ZNF595: variants seen among roughly 807,000 people sequenced by gnomAD.
ZNF595 encodes zinc finger protein 595.
A neutral mutation model predicts 19.4 loss-of-function variants in ZNF595; 9 were observed. That is an observed-to-expected ratio of 0.46 (90% CI 0.28 to 0.81). ZNF595 has a LOEUF of 0.81. ZNF595 is among the 30% of genes least tolerant of loss of function. The pLI is 0.11. For synonymous variants in ZNF595, 255 were observed against 255.9 expected (o/e 1.00, Z 0.03); for missense variants, 729 against 736.0 (o/e 0.99, Z 0.11).
chr4:72,063 G>A (rs782691981), intron 3 of ZNF595, among the ~76,000 whole-genome samples: 2 of 152,036 alleles, frequency 1.3e-5, no homozygotes, highest in African/African-American at 4.8e-5. Flanking sequence ...ATACCATTCC[G>A]GCCAGTACTG....
In ZNF595 at chr4:54,850, C is replaced by A. The variant is rs1325577939; in HGVS notation, c.3+1359C>A. On this transcript the variant is annotated intron_variant, in intron 1 of 3. Transcript: ENST00000610261. ...CTCGGCCTGTACCTGTGGCACAAAC[C>A]AGTGCTTTAGTCAGTCCTGCCCTGC... Among the ~76,000 whole-genome samples the A allele has an allele frequency of 2.0e-5, 3 of 152,404 alleles. No individual in the cohort carries two copies. The East Asian group carries it at 5.8e-4, about 29-fold the overall frequency.
chr4:68,617 T>G (rs1174120931), intron 3 of ZNF595: 2 of 152,332 alleles, frequency 1.3e-5, no homozygotes, highest in Non-Finnish European at 2.9e-5. Flanking sequence ...TTTTATTTAT[T>G]ATTTTAATTT....
chr4:87,230 T>G lies in ZNF595; in HGVS notation c.1726T>G (p.Ser576Ala). Reference sequence around the variant, plus strand: ...AGAATGTGGCAAAGCCTATAACTTATCCTCAACCCTTACTAAACATAAGAG... The same window carrying G: ...AGAATGTGGCAAAGCCTATAACTTAGCCTCAACCCTTACTAAACATAAGAG... The part of the protein sequence containing the change: ...CKECGKAYNL[S>A]STLTKHKRIH... Residue 576 changes from serine (S) to alanine (A), a missense_variant, in exon 4 of 4, where the codon TCC becomes GCC. Transcript: ENST00000610261. 1 of 1,595,032 alleles carries G rather than the reference T, an allele frequency of 6.3e-7. No individual in the cohort carries two copies. The highest frequency in any genetic ancestry group is 8.6e-7 in the Non-Finnish European group (1 of 1,167,700).
At position 80,896 on chromosome 4, in the gene ZNF595, G is replaced by A. The variant is rs190881355; in HGVS notation, c.227-4835G>A. 3.4e-3 allele frequency among the ~76,000 whole-genome samples: 510 copies of A among 151,942 alleles called. 4 individuals carry two copies. Among genetic ancestry groups the A allele is most frequent in the African/African-American group, 0.012 (498 of 41,390 alleles). On this transcript the variant is annotated intron_variant, in intron 3 of 3. Transcript: ENST00000610261. ...TGTTACATAAGTATACATGCGCCATGGTGGTTTGCTGCACCTATCAACCCA... is the reference window on the plus strand; with the variant it reads ...TGTTACATAAGTATACATGCGCCATAGTGGTTTGCTGCACCTATCAACCCA...
intron 3 of ZNF595, among the ~76,000 whole-genome samples, chr4:82,875 A>G (rs953246863): frequency 1.4e-4 from 22 of 152,284 alleles, no homozygotes; most frequent in Admixed American, 3.9e-4. Context: ...CTACAATTCT[A>G]TTAGACATAA....
At position 86,124 on chromosome 4, in the gene ZNF595, A is replaced by C. The variant is rs781812852; in HGVS notation, c.620A>C (p.Lys207Thr). ...EKPYKCEKCG[K>T]AFNRSTSLSK... is the part of the protein sequence containing the mutation. The stretch of plus-strand genomic sequence containing the variant: ...CCCTACAAATGTGAAAAATGTGGCA[A>C]AGCCTTTAATAGGTCCACATCACTT... The change falls in exon 4 of 4, where the codon AAA becomes ACA. Residue 207 changes from lysine (K) to threonine (T), a missense_variant. Physicochemically the swap from Lys to Thr is moderately conservative, Grantham distance 78. This residue lies in a region of ZNF595 where 729 missense variants were observed against 675.3 expected (regional missense o/e 1.08). Coordinates refer to ENST00000610261, the MANE Select transcript of ZNF595 (RefSeq NM_182524.4). The C allele has an allele frequency of 1.9e-6, 3 of 1,613,630 alleles. No individual in the cohort carries two copies. Among genetic ancestry groups the C allele is most frequent in the Admixed American group, 1.7e-5 (1 of 59,974 alleles).
chr4:85,773 G>A lies in ZNF595; in HGVS notation c.269G>A (p.Gly90Glu). 1 of 1,611,334 alleles carries A rather than the reference G, an allele frequency of 6.2e-7. No homozygotes were observed. Among genetic ancestry groups the A allele is most frequent in the Non-Finnish European group, 8.5e-7 (1 of 1,178,192 alleles). ...AGCCAAGACCTTTCACCAGTGCAGGGGATAGAAGATTCATTCCACAAACTT... is the reference window on the plus strand; with the variant it reads ...AGCCAAGACCTTTCACCAGTGCAGGAGATAGAAGATTCATTCCACAAACTT... Reference protein sequence around the residue: ...PFSQDLSPVQGIEDSFHKLIL... With the variant: ...PFSQDLSPVQEIEDSFHKLIL... The change falls in exon 4 of 4, where the codon GGG (glycine) becomes GAG (glutamate). Residue 90 changes from glycine (G) to glutamate (E), a missense_variant. This residue lies in a region of ZNF595 where 729 missense variants were observed against 675.3 expected (regional missense o/e 1.08). Transcript: ENST00000610261.
chr4:70,671 A>G (rs1045906698), intron 3 of ZNF595, among the ~76,000 whole-genome samples: 2 of 152,170 alleles, frequency 1.3e-5, no homozygotes, highest in Admixed American at 1.3e-4. Context: ...GTCAAAAATA[A>G]GTTTGCTGTA....
intron 3 of ZNF595, among the ~76,000 whole-genome samples, chr4:67,008 G>C (rs1191805175): frequency 4.2e-4 from 59 of 140,078 alleles, no homozygotes; most frequent in Non-Finnish European, 7.1e-4. Flanking sequence ...CGTTGAATTT[G>C]AATATCACTG....
intron 3 of ZNF595, among the ~76,000 whole-genome samples, chr4:73,804 A>T (rs1553798228): frequency 6.6e-6 from 1 of 152,142 alleles, no homozygotes; most frequent in Non-Finnish European, 1.5e-5. Context: ...GAGTTCTGGA[A>T]GCCCATGATT....
intron 1 of ZNF595, among the ~76,000 whole-genome samples, chr4:55,164 G>A (rs1581310045): frequency 0.13 from 13,792 of 103,284 alleles, no homozygotes; most frequent in Non-Finnish European, 0.18. Flanking sequence ...TGGGATTACA[G>A]GCGTGAGCCA....
At chr4:80,998 G>C (rs1277794573) in intron 3 of ZNF595, among the ~76,000 whole-genome samples, 12 of 151,754 alleles carry the variant, frequency 7.9e-5, no homozygotes, top group Non-Finnish European at 1.6e-4. Context: ...CACCCCCTCT[G>C]ACAGGCCCCG....
chr4:82,380 T>TTTG (rs1713950785), intron 3 of ZNF595, among the ~76,000 whole-genome samples: 1 of 111,206 alleles, frequency 9.0e-6, no homozygotes, highest in African/African-American at 4.2e-5. Context: ...TGGTTTTTTT[T>TTTG]TTTTTTTTTT....
At chr4:83,619 CAAAAAA>C (rs71164492) in intron 3 of ZNF595, among the ~76,000 whole-genome samples, 9 of 38,598 alleles carry the variant, frequency 2.3e-4, no homozygotes, top group South Asian at 9.1e-4. Flanking sequence ...GACTCCGTCT[CAAAAAA>C]AAAAAAAAAA....
chr4:83,346 G>T (rs1031742742), intron 3 of ZNF595, among the ~76,000 whole-genome samples: 37 of 152,198 alleles, frequency 2.4e-4, no homozygotes, highest in Non-Finnish European at 4.6e-4. Flanking sequence ...GTGGCTGGGT[G>T]TAGTGGCTCA....
At chr4:81,601 T>C (rs1055243410) in intron 3 of ZNF595, among the ~76,000 whole-genome samples, 14 of 152,214 alleles carry the variant, frequency 9.2e-5, no homozygotes, top group African/African-American at 3.4e-4. Context: ...AGCTTAGTCA[T>C]ATTAATTATA....
Position 86,137 on chromosome 4 carries a change from G to A in ZNF595, c.633G>A (p.Arg211=), listed in dbSNP as rs782616166. ...AAAAATGTGGCAAAGCCTTTAATAG[G>A]TCCACATCACTTAGTAAACATAAGA... ...KCEKCGKAFN[R]STSLSKHKRI... The change falls in exon 4 of 4, where the codon AGG becomes AGA. Residue 211 remains arginine (R), a synonymous_variant. Transcript: ENST00000610261. The A allele has an allele frequency of 6.2e-7, 1 of 1,613,380 alleles. No individual in the cohort carries two copies. Among genetic ancestry groups the A allele is most frequent in the East Asian group, 2.2e-5 (1 of 44,846 alleles).
chr4:54,721 G>A (rs1219564150), intron 1 of ZNF595, among the ~76,000 whole-genome samples: 3 of 152,168 alleles, frequency 2.0e-5, no homozygotes, highest in Middle Eastern at 3.4e-3. Flanking sequence ...ACCGCAGACC[G>A]GATCTACAGC....
intron 3 of ZNF595, among the ~76,000 whole-genome samples, chr4:63,707 AT>A (rs1245533039): frequency 2.0e-5 from 3 of 152,284 alleles, no homozygotes; most frequent in Non-Finnish European, 4.4e-5. Flanking sequence ...TGCCTGGCTA[AT>A]TTTTTTGTAT....
Sources: allele counts gnomAD v4.1 joint callset (sites outside exome capture counted in the v4.1 genomes callset), GRCh38; gene constraint gnomAD v4.1.1; regional missense constraint gnomAD v4.1.1; transcripts MANE v1.5; gene names NCBI Gene and HGNC (gene_info 2026-07-23, HGNC 2026-07-21).